The following PNISR variants were observed in gnomAD, a reference collection of about 807,000 sequenced individuals.
The protein encoded by PNISR is PNN interacting serine and arginine rich protein.
PNISR carries 20 observed loss-of-function variants against 93.4 expected under a neutral mutation model. That is an observed-to-expected ratio of 0.21 (90% CI 0.15 to 0.31). The LOEUF is 0.31. Among genes scored for constraint, PNISR ranks in the 10% least tolerant of loss-of-function variants. The probability of loss-of-function intolerance (pLI) is 1.00; values close to 1 mark genes in which losing one functional copy is unlikely to be tolerated. For synonymous variants in PNISR, 305 were observed against 306.5 expected (o/e 0.99, Z 0.05); for missense variants, 893 against 985.4 (o/e 0.91, Z 1.25).
chr6:99,399,361 A>T lies in PNISR; in HGVS notation c.*1179T>A, dbSNP rs1204418191. On this transcript the variant is annotated 3_prime_UTR_variant, in exon 12 of 12. Transcript: ENST00000369239. ...CTAATCATAATTTTAAGAAACGGACAAAATCAGACAATTTTAATGTCAGGA... is the reference window on the plus strand; with the variant it reads ...CTAATCATAATTTTAAGAAACGGACTAAATCAGACAATTTTAATGTCAGGA... The T allele has an allele frequency of 6.6e-6, 1 of 152,148 alleles. No homozygotes were observed. Among genetic ancestry groups the T allele is most frequent in the African/African-American group, 2.4e-5 (1 of 41,458 alleles). The allele number at this position is 152,148 out of a possible 1,614,324, so 9.4% of individuals were successfully genotyped here.
intron 1 of PNISR, among the ~76,000 whole-genome samples, chr6:99,423,456 A>G (rs927880165): frequency 1.3e-5 from 2 of 152,190 alleles, no homozygotes; most frequent in Non-Finnish European, 2.9e-5. Context: ...CCTTCCAAAG[A>G]GAACAGTATA....
Position 99,401,591 on chromosome 6 carries a change from T to C in PNISR, c.1367A>G (p.Asn456Ser). Residue 456 changes from asparagine (N) to serine (S), a missense_variant, in exon 12 of 12, where the codon AAT becomes AGT. Around this residue, in one of 3 missense-constraint regions of PNISR, gnomAD observed 866 missense variants for 935.1 expected, o/e 0.93. Coordinates refer to ENST00000369239, the MANE Select transcript of PNISR (RefSeq NM_032870.4). ...QQTERVTKEM[N>S]EFIHKEQNSL... ...ATTTTGCTCTTTATGGATAAATTCA[T>C]TCATCTCTTTTGTAACCCTTTCTGT... The C allele has an allele frequency of 6.4e-7, 1 of 1,570,410 alleles. No individual in the cohort carries two copies. Among genetic ancestry groups the C allele is most frequent in the South Asian group, 1.2e-5 (1 of 83,526 alleles).
chr6:99,406,570 G>A (rs1052135611), intron 7 of PNISR, among the ~76,000 whole-genome samples: 16 of 152,066 alleles, frequency 1.1e-4, no homozygotes, highest in Admixed American at 2.0e-4. Flanking sequence ...AACTTTTACA[G>A]CTATATATTT....
intron 5 of PNISR, chr6:99,409,910 T>C (rs145118380): frequency 4.6e-5 from 7 of 152,790 alleles, no homozygotes; most frequent in African/African-American, 1.7e-4. Flanking sequence ...GGTAAGCAGA[T>C]GCTCCCTGCC....
rs116752366 is a variant in PNISR at position 99,416,268 on chromosome 6, A to C, written c.-32+81T>G. Reference sequence around the variant, plus strand: ...AGGTTATCAGAGCCCTTGAAAAGTAACTTCGCTTACAACTTTAATTAAGAG... The same window carrying C: ...AGGTTATCAGAGCCCTTGAAAAGTACCTTCGCTTACAACTTTAATTAAGAG... On this transcript the variant is annotated intron_variant, in intron 2 of 11. Coordinates refer to ENST00000369239, the MANE Select transcript of PNISR (RefSeq NM_032870.4). 3.0e-3 allele frequency: 1,359 copies of C among 450,318 alleles called. 23 individuals are homozygous for C. Among genetic ancestry groups the C allele is most frequent in the African/African-American group, 0.025 (1,240 of 49,540 alleles). The allele number at this position is 450,318 out of a possible 1,614,324, so 27.9% of individuals were successfully genotyped here.
intron 7 of PNISR, 125 bp downstream of exon 7, chr6:99,407,956 C>G: frequency 1.5e-6 from 1 of 668,614 alleles, no homozygotes; most frequent in Non-Finnish European, 2.5e-6. Context: ...CCTCAATATA[C>G]TTAATGAACG....
intron 3 of PNISR, among the ~76,000 whole-genome samples, chr6:99,414,347 A>G (rs1445318254): frequency 1.3e-5 from 2 of 152,248 alleles, no homozygotes; most frequent in Non-Finnish European, 2.9e-5. Context: ...AGTTTAAAAA[A>G]TGTAAAATCT....
At chr6:99,406,887 G>T (rs2128482695) in intron 7 of PNISR, among the ~76,000 whole-genome samples, 1 of 152,158 alleles carries the variant, frequency 6.6e-6, no homozygotes, top group East Asian at 1.9e-4. Flanking sequence ...TACTACTGTG[G>T]AAAGACTACC....
In PNISR at chr6:99,400,729, A is replaced by C. The variant is rs774108129; in HGVS notation, c.2229T>G (p.Ser743Arg). ...AATGTTTTTTACTATCTTTGGTAGT[A>C]CTTTTCTTACTATCCTGTCTAGAAT... The part of the protein sequence containing the change: ...RHDSRQDSKK[S>R]TTKDSKKHSG... The change falls in exon 12 of 12, where the codon AGT becomes AGG. Residue 743 changes from serine (S) to arginine (R), a missense_variant. Transcript: ENST00000369239. 4 of 1,612,468 alleles carry C rather than the reference A, an allele frequency of 2.5e-6. No homozygotes were observed. The highest frequency in any genetic ancestry group is 3.4e-6 in the Non-Finnish European group (4 of 1,179,372).
Position 99,401,521 on chromosome 6 carries a change from A to T in PNISR, c.1437T>A (p.Val479=). ...CATTTGGAGTTCTCTTCTTTTCATT[A>T]ACCACATCACCGTCTGCTTCTCTTG... is the stretch of plus-strand genomic sequence containing the variant. ...LEAREADGDV[V]NEKKRTPNET... is the part of the protein sequence containing the mutation. Residue 479 remains valine (V), a synonymous_variant, in exon 12 of 12, where the codon GTT becomes GTA. Transcript: ENST00000369239. 1 of 1,613,106 alleles carries T rather than the reference A, an allele frequency of 6.2e-7. No individual in the cohort carries two copies. Among genetic ancestry groups the T allele is most frequent in the East Asian group, 2.2e-5 (1 of 44,864 alleles).
At chr6:99,408,449 T>C (rs971749115) in intron 6 of PNISR, among the ~76,000 whole-genome samples, 178 bp from the exon 7 acceptor site, 4 of 152,184 alleles carry the variant, frequency 2.6e-5, no homozygotes, top group African/African-American at 7.2e-5. Flanking sequence ...AATGAAAGCA[T>C]GTTAAACCAT....
Position 99,404,566 on chromosome 6 carries a change from C to T in PNISR, c.1102+37G>A, listed in dbSNP as rs746086995. ...CAAAATAGTCATCAGAACCAAAATA[C>T]CCCAGGAAAAGCAAAACCAGAAACA... On this transcript the variant is annotated intron_variant, in intron 9 of 11. Transcript: ENST00000369239. 2.4e-5 allele frequency: 26 copies of T among 1,099,568 alleles called. No individual in the cohort carries two copies. In the African/African-American group the frequency reaches 3.1e-4, roughly 13 times the overall value. The allele number at this position is 1,099,568 out of a possible 1,614,324, so 68.1% of individuals were successfully genotyped here. A position where few individuals can be genotyped will look rare whatever the true frequency, so the allele number is the denominator to read the frequency against.
At chr6:99,404,039 G>T in intron 9 of PNISR, 157 bp from the exon 10 acceptor site, 1 of 583,706 alleles carries the variant, frequency 1.7e-6, no homozygotes. Flanking sequence ...CCAGTATCAT[G>T]TCTGGCTTTG....
chr6:99,404,551 A>T (rs759085821), intron 9 of PNISR, 52 bp downstream of exon 9: 1 of 937,760 alleles, frequency 1.1e-6, no homozygotes, highest in Non-Finnish European at 1.8e-6. Flanking sequence ...CAAAATAGTC[A>T]TCAGAACCAA....
chr6:99,410,932 G>A lies in PNISR; in HGVS notation c.310C>T (p.Pro104Ser), dbSNP rs376429837. 31 of 1,613,852 alleles carry A rather than the reference G, an allele frequency of 1.9e-5. No homozygotes were observed. The highest frequency in any genetic ancestry group is 1.7e-6 in the Non-Finnish European group (2 of 1,179,868). ...WGMHQQPPHP[P>S]PDQPWMPPTP... ...GGTGGCATCCATGGCTGATCTGGAG[G>A]GGGGTGTGGGGGTTGCTGATGCATT... Residue 104 changes from proline to serine, a missense_variant, in exon 5 of 12, where the codon CCT (proline) becomes TCT (serine). Transcript: ENST00000369239.
chr6:99,413,790 T>TCATA (rs111641301), intron 3 of PNISR, among the ~76,000 whole-genome samples: 146,044 of 152,164 alleles, frequency 0.96, 70,367 homozygotes, highest in South Asian at 1. Flanking sequence ...ATAGGTATTC[T>TCATA]CAGTTTGAAA....
intron 4 of PNISR, chr6:99,412,148 C>G: frequency 7.4e-6 from 3 of 406,286 alleles, no homozygotes; most frequent in South Asian, 5.4e-5. Flanking sequence ...GTATATTTGA[C>G]AGACTAATTT....
Position 99,400,470 on chromosome 6 carries a change from G to T in PNISR, c.*70C>A. Reference sequence around the variant, plus strand: ...GAGTTTATTAAAGAGAGAGAGAAAGGACACTTTCAACTTTGAATAAATTCA... The same window carrying T: ...GAGTTTATTAAAGAGAGAGAGAAAGTACACTTTCAACTTTGAATAAATTCA... On this transcript the variant is annotated 3_prime_UTR_variant, in exon 12 of 12. Coordinates refer to ENST00000369239, the MANE Select transcript of PNISR (RefSeq NM_032870.4). The T allele has an allele frequency of 6.5e-7, 1 of 1,527,546 alleles. No individual in the cohort carries two copies. Among genetic ancestry groups the T allele is most frequent in the Non-Finnish European group, 8.8e-7 (1 of 1,141,442 alleles). 94.6% of individuals were successfully genotyped at this position (1,527,546 alleles called of 1,614,324 possible).
chr6:99,411,130 C>G (rs1343965125), intron 4 of PNISR, 166 bp from the exon 5 acceptor site: 14 of 604,450 alleles, frequency 2.3e-5, no homozygotes, highest in Non-Finnish European at 4.1e-5. Flanking sequence ...AAGCAATGAA[C>G]TAAACTGTCA....
Sources: allele counts gnomAD v4.1 joint callset (sites outside exome capture counted in the v4.1 genomes callset), GRCh38; gene constraint gnomAD v4.1.1; regional missense constraint gnomAD v4.1.1; transcripts MANE v1.5; gene names NCBI Gene and HGNC (gene_info 2026-07-23, HGNC 2026-07-21).